LRRC9: variants seen among roughly 807,000 people sequenced by gnomAD.
LRRC9 encodes leucine rich repeat containing 9.
LRRC9 carries 122 observed loss-of-function variants against 63.2 expected under a neutral mutation model. That is an observed-to-expected ratio of 1.93 (90% CI 1.67 to 2.24). The LOEUF (loss-of-function observed/expected upper bound fraction) is 2.24. LRRC9 is among the 30% of genes most tolerant of loss of function. The pLI is 0.00. For missense variants in LRRC9, 1,071 were observed against 627.7 expected (o/e 1.71, Z -7.55); for synonymous variants, 366 against 213.1 (o/e 1.72, Z -6.25).
At chr14:59,952,348 T>C (rs1388791805) in intron 8 of LRRC9, among the ~76,000 whole-genome samples, 3 of 152,160 alleles carry the variant, frequency 2.0e-5, no homozygotes, top group Non-Finnish European at 2.9e-5. Context: ...ATGCCTCGCC[T>C]TGCTTCGGCT....
At chr14:60,028,992 C>T (rs1018353722) in intron 28 of LRRC9, among the ~76,000 whole-genome samples, 2 of 152,022 alleles carry the variant, frequency 1.3e-5, no homozygotes, top group Non-Finnish European at 2.9e-5. Flanking sequence ...AGCCATGCTC[C>T]TTTCTACAAA....
chr14:59,973,065 CAGAT>C (rs1411457914), intron 12 of LRRC9, among the ~76,000 whole-genome samples: 1 of 152,002 alleles, frequency 6.6e-6, no homozygotes, highest in Non-Finnish European at 1.5e-5. Context: ...GAATTGATGT[CAGAT>C]GGATGGATAG....
intron 14 of LRRC9, 147 bp downstream of exon 14, chr14:59,977,494 A>G: frequency 1.8e-6 from 1 of 568,256 alleles, no homozygotes; most frequent in East Asian, 2.9e-5. Flanking sequence ...AATAATTTTT[A>G]TATTCCCTAC....
intron 23 of LRRC9, among the ~76,000 whole-genome samples, chr14:60,008,500 G>A (rs1889997584): frequency 6.6e-6 from 1 of 152,086 alleles, no homozygotes; most frequent in South Asian, 2.1e-4. Context: ...TATGGGACAG[G>A]ATAGAAAATT....
intron 23 of LRRC9, among the ~76,000 whole-genome samples, chr14:60,013,061 A>G (rs1890379869): frequency 6.6e-6 from 1 of 151,040 alleles, no homozygotes; most frequent in African/African-American, 2.4e-5. Flanking sequence ...TGCACCCATT[A>G]ACTCGTCATT....
intron 22 of LRRC9, 134 bp downstream of exon 22, chr14:60,006,751 A>C (rs920468330): frequency 9.9e-5 from 53 of 537,078 alleles, no homozygotes; most frequent in Non-Finnish European, 1.5e-4. Flanking sequence ...AGTTTATTAA[A>C]ATGTATTTGC....
intron 8 of LRRC9, among the ~76,000 whole-genome samples, chr14:59,953,272 C>A (rs772391179): frequency 2.6e-5 from 4 of 152,224 alleles, no homozygotes; most frequent in Non-Finnish European, 5.9e-5. Flanking sequence ...TACACTCCCA[C>A]CAACAGTGTA....
intron 8 of LRRC9, among the ~76,000 whole-genome samples, chr14:59,956,499 C>T (rs1330870609): frequency 6.6e-6 from 1 of 152,092 alleles, no homozygotes; most frequent in Non-Finnish European, 1.5e-5. Flanking sequence ...GGTAAATATT[C>T]CTCCATCCCT....
At chr14:59,952,178 C>A (rs1391622969) in intron 8 of LRRC9, among the ~76,000 whole-genome samples, 5 of 148,452 alleles carry the variant, frequency 3.4e-5, no homozygotes, top group South Asian at 2.1e-4. Flanking sequence ...ACCCTCCGAG[C>A]CAGGTGTGGG....
In LRRC9 at chr14:59,932,575, G is replaced by C. The variant is rs1397294859; in HGVS notation, c.543+536G>C. On this transcript the variant is annotated intron_variant, in intron 6 of 31. Transcript: ENST00000445360. The surrounding 1 kb of genome is among the most constrained non-coding windows in gnomAD (Gnocchi z 4.7). ...CTCTCTAAATGGAGTCTCCATTCTT[G>C]CAGTAACTTAAGCCAAAATCCTTAC... 1.3e-5 allele frequency among the ~76,000 whole-genome samples: 2 copies of C among 151,930 alleles called. No homozygotes were observed. The highest frequency in any genetic ancestry group is 2.9e-5 in the Non-Finnish European group (2 of 67,964).
chr14:59,976,043 C>T (rs1264934508), intron 13 of LRRC9, among the ~76,000 whole-genome samples: 1 of 152,202 alleles, frequency 6.6e-6, no homozygotes, highest in African/African-American at 2.4e-5. Flanking sequence ...GGGGCGCGAA[C>T]CCTATTGTGA....
In LRRC9 at chr14:60,053,879, G is replaced by A. The variant is rs1396382778; in HGVS notation, c.4131+674G>A. On this transcript the variant is annotated intron_variant, in intron 30 of 31. Coordinates refer to ENST00000445360, the Ensembl canonical transcript of LRRC9. This position sits in a 1 kb window ranked among gnomAD's most constrained non-coding sequence, Gnocchi z 4.8. The stretch of plus-strand genomic sequence containing the variant: ...AAATCTATGGTTTTTGAACAGAGAA[G>A]TAACATTATTAGAATGCTGTGGTTT... 5 of 453,160 alleles carry A rather than the reference G, an allele frequency of 1.1e-5. No homozygotes were observed. The highest frequency in any genetic ancestry group is 7.8e-5 in the South Asian group (5 of 63,806). 28.1% of individuals were successfully genotyped at this position (453,160 alleles called of 1,614,324 possible).
At chr14:59,926,780 C>T (rs537272647) in intron 1 of LRRC9, among the ~76,000 whole-genome samples, 1 of 152,212 alleles carries the variant, frequency 6.6e-6, no homozygotes, top group Non-Finnish European at 1.5e-5. Flanking sequence ...TTGCAAATAA[C>T]AGTAGTTGTT....
intron 12 of LRRC9, among the ~76,000 whole-genome samples, chr14:59,974,333 C>T (rs1256662370): frequency 6.6e-6 from 1 of 152,166 alleles, no homozygotes; most frequent in East Asian, 1.9e-4. Context: ...ACTGTGGCTG[C>T]TTTTCCAGGA....
chr14:59,961,820 G>A (rs1484439003), intron 10 of LRRC9, among the ~76,000 whole-genome samples: 5 of 152,120 alleles, frequency 3.3e-5, no homozygotes, highest in Non-Finnish European at 5.9e-5. Context: ...TCACATTTCT[G>A]AGTCATTTTT....
intron 30 of LRRC9, among the ~76,000 whole-genome samples, chr14:60,056,321 T>C (rs1005277122): frequency 2.0e-5 from 3 of 152,206 alleles, no homozygotes; most frequent in Admixed American, 6.5e-5. Context: ...TTTAAGGTAA[T>C]GCAGGCTAAA....
At chr14:60,016,007 G>A (rs1430728199) in intron 23 of LRRC9, among the ~76,000 whole-genome samples, 3 of 152,100 alleles carry the variant, frequency 2.0e-5, no homozygotes, top group Admixed American at 6.5e-5. Context: ...CCTTTGATTA[G>A]AGAGAGCAGG....
At chr14:60,025,513 C>T (rs1891474152) in intron 27 of LRRC9, among the ~76,000 whole-genome samples, 1 of 151,946 alleles carries the variant, frequency 6.6e-6, no homozygotes. Context: ...CCATGGCGAG[C>T]ATGGCAAATT....
rs567206072 is a variant in LRRC9, at chr14:60,005,030, T to C, written c.2842+1232T>C. On this transcript the variant is annotated intron_variant, in intron 21 of 31. Coordinates refer to ENST00000445360, the Ensembl canonical transcript of LRRC9. ...AATTTACATTTTATTCATTTTTGAATTGGATTATTTTTATCATGTGTATAT... is the reference window on the plus strand; with the variant it reads ...AATTTACATTTTATTCATTTTTGAACTGGATTATTTTTATCATGTGTATAT... Among the ~76,000 whole-genome samples the C allele has an allele frequency of 7.2e-4, 109 of 152,236 alleles. 5 individuals carry two copies. The South Asian group carries it at 0.022, about 31-fold the overall frequency.
Sources: gnomAD v4.1 joint callset for allele counts (sites outside exome capture counted in the v4.1 genomes callset) on GRCh38, gnomAD v4.1.1 for gene constraint, Gnocchi (gnomAD v3.1) non-coding constraint, MANE v1.5 for transcripts, NCBI Gene and HGNC (gene_info 2026-07-23, HGNC 2026-07-21) for gene names.